SGCD: variants seen among roughly 807,000 people sequenced by gnomAD.
SGCD encodes sarcoglycan delta.
Under a neutral mutation model 36.6 loss-of-function variants are expected in SGCD, and 18 were observed. The ratio of observed to expected loss-of-function variants is 0.49; its 90% CI spans 0.34 to 0.73. SGCD has a LOEUF of 0.73. Among genes scored for constraint, SGCD ranks in the 30% least tolerant of loss-of-function variants. The pLI, the probability that SGCD is intolerant of heterozygous loss-of-function variation, is 0.01. For missense variants in SGCD, 387 were observed against 346.7 expected, an observed-to-expected ratio of 1.12 and a Z score of -0.92; for synonymous variants, 133 against 130.6, an observed-to-expected ratio of 1.02 and a Z score of -0.12.
At chr5:156,178,390 G>A (rs561788519) in intron 3 of SGCD, among the ~76,000 whole-genome samples, 1 of 152,284 alleles carries the variant, frequency 6.6e-6, no homozygotes, top group Admixed American at 6.5e-5. Flanking sequence ...AATCATGCAT[G>A]CCAAATGCTT....
chr5:155,999,545 G>A (rs1428273610), intron 1 of SGCD, among the ~76,000 whole-genome samples: 1 of 152,120 alleles, frequency 6.6e-6, no homozygotes, highest in Non-Finnish European at 1.5e-5. Flanking sequence ...CCCTGAGTGA[G>A]GATATAATGA....
chr5:156,549,194 G>C (rs1169069681), intron 4 of SGCD, among the ~76,000 whole-genome samples: 1 of 151,582 alleles, frequency 6.6e-6, no homozygotes, highest in Non-Finnish European at 1.5e-5. Flanking sequence ...CTTGCCCAAG[G>C]TATGACATCA....
intron 3 of SGCD, among the ~76,000 whole-genome samples, chr5:156,150,598 T>C (rs932813199): frequency 1.3e-5 from 2 of 151,644 alleles, no homozygotes; most frequent in Non-Finnish European, 2.9e-5. Flanking sequence ...GATTTGACAT[T>C]GAATTAACAC....
intron 7 of SGCD, among the ~76,000 whole-genome samples, chr5:156,740,654 T>G (rs1398504787): frequency 6.6e-6 from 1 of 152,236 alleles, no homozygotes; most frequent in East Asian, 1.9e-4. Flanking sequence ...CTAAGCATGC[T>G]GTTCTCATCA....
At chr5:155,937,515 GGAAGA>G (rs1414063726) in intron 1 of SGCD, among the ~76,000 whole-genome samples, 2 of 152,230 alleles carry the variant, frequency 1.3e-5, no homozygotes, top group Non-Finnish European at 1.5e-5. Context: ...GAGGGAGAAA[GGAAGA>G]GAAAAGGCCA....
At chr5:155,745,749 C>A in the SGCD span, among the ~76,000 whole-genome samples, 2 of 152,184 alleles carry the variant, frequency 1.3e-5, no homozygotes, top group Non-Finnish European at 2.9e-5. Flanking sequence ...AACAGTTGTA[C>A]AACCTTATTA....
chr5:155,754,653 A>G, the SGCD span, among the ~76,000 whole-genome samples: 1 of 152,254 alleles, frequency 6.6e-6, no homozygotes, highest in Non-Finnish European at 1.5e-5. Context: ...ATTAAACACT[A>G]GTTTTAAACC....
At chr5:155,763,176 T>A in the SGCD span, among the ~76,000 whole-genome samples, 4 of 152,158 alleles carry the variant, frequency 2.6e-5, no homozygotes. Context: ...ATTTTGCTCT[T>A]TGAAGACATG....
At chr5:156,709,977 C>G (rs912750266) in intron 7 of SGCD, among the ~76,000 whole-genome samples, 1 of 151,912 alleles carries the variant, frequency 6.6e-6, no homozygotes, top group Non-Finnish European at 1.5e-5. Context: ...TGAAAAGCAC[C>G]GAGAAAGAGA....
At position 156,039,458 on chromosome 5, in the gene SGCD, A is replaced by C. The variant is rs140298471; in HGVS notation, c.-281-78420A>C. Among the ~76,000 whole-genome samples the C allele has an allele frequency of 9.7e-4, 148 of 152,200 alleles. 1 individual carries two copies. The highest frequency in any genetic ancestry group is 3.4e-3 in the African/African-American group (141 of 41,554). ...GCTCCTTGGGAGGTTTTGTTTTTGC[A>C]TGATGGTATCTAAGCATGTGCTCTT... is the stretch of plus-strand genomic sequence containing the variant. On this transcript the variant is annotated intron_variant, in intron 1 of 9. Transcript: ENST00000517913.
At chr5:156,218,270 T>C (rs1764626956) in intron 3 of SGCD, among the ~76,000 whole-genome samples, 1 of 151,678 alleles carries the variant, frequency 6.6e-6, no homozygotes, top group South Asian at 2.1e-4. Context: ...AAAATAAAAA[T>C]AAAATAAAAG....
At chr5:156,190,445 G>T (rs564353832) in intron 3 of SGCD, among the ~76,000 whole-genome samples, 7 of 152,198 alleles carry the variant, frequency 4.6e-5, no homozygotes, top group African/African-American at 1.7e-4. Context: ...ATAATAAGGG[G>T]CTTGCATGAA....
intron 1 of SGCD, among the ~76,000 whole-genome samples, chr5:156,005,847 T>C (rs17053124): frequency 0.21 from 31,401 of 152,178 alleles, 4,006 homozygotes; most frequent in South Asian, 0.37. Flanking sequence ...CAAGCTTCTG[T>C]AGGTGGCAAC....
intron 1 of SGCD, among the ~76,000 whole-genome samples, chr5:156,039,404 A>T (rs1220637376): frequency 6.6e-6 from 1 of 152,070 alleles, no homozygotes. Context: ...ATTAAAGGCA[A>T]CATCCTCCAT....
rs564432687 is a variant in SGCD at position 156,058,661 on chromosome 5, A to G, written c.-281-59217A>G. Among the ~76,000 whole-genome samples, 24 of 146,896 alleles carry G rather than the reference A, an allele frequency of 1.6e-4. 2 individuals are homozygous for G. The South Asian group carries it at 5.1e-3, about 31-fold the overall frequency. On this transcript the variant is annotated intron_variant, in intron 1 of 9. Coordinates refer to the SGCD transcript ENST00000517913. ...AGACAGTTGGAAATATGAATGTTAA[A>G]TATGGATATTTAATAATATTAGCAA... is the stretch of plus-strand genomic sequence containing the variant.
chr5:156,464,216 A>ATTTTTTTTTT (rs773294916), intron 3 of SGCD, among the ~76,000 whole-genome samples: 1 of 116,304 alleles, frequency 8.6e-6, no homozygotes. Flanking sequence ...GAATCTACAT[A>ATTTTTTTTTT]TTTTTTTTTT....
intron 7 of SGCD, among the ~76,000 whole-genome samples, chr5:156,695,938 C>T (rs1438521600): frequency 6.6e-6 from 1 of 152,206 alleles, no homozygotes; most frequent in African/African-American, 2.4e-5. Context: ...AGATGAGCCA[C>T]TGGTTTTAAG....
chr5:156,308,567 G>C (rs1767301870), intron 3 of SGCD, among the ~76,000 whole-genome samples: 1 of 152,096 alleles, frequency 6.6e-6, no homozygotes, highest in African/African-American at 2.4e-5. Flanking sequence ...CAAAGTGCTA[G>C]GATTACGGGC....
Position 156,093,007 on chromosome 5 carries a change from C to T in SGCD, c.-281-24871C>T, listed in dbSNP as rs546161600. On this transcript the variant is annotated intron_variant, in intron 1 of 9. Transcript: ENST00000517913. ...CCCACTGTCAGTTGTACCTGGGGCT[C>T]CTGTGGGGAAATTTTAATTGGCTCG... 4.6e-4 allele frequency among the ~76,000 whole-genome samples: 70 copies of T among 152,298 alleles called. No individual in the cohort carries two copies. The South Asian group carries it at 0.014, about 31-fold the overall frequency.
Sources: allele counts gnomAD v4.1 joint callset (sites outside exome capture counted in the v4.1 genomes callset), GRCh38; gene constraint gnomAD v4.1.1; transcripts MANE v1.5; gene names NCBI Gene and HGNC (gene_info 2026-07-23, HGNC 2026-07-21).